Variants in CDC5L observed in about 807,000 individuals in gnomAD.
The protein encoded by CDC5L is cell division cycle 5-like protein.
CDC5L carries 18 observed loss-of-function variants against 104.1 expected under a neutral mutation model. The ratio of observed to expected loss-of-function variants is 0.17; its 90% CI spans 0.12 to 0.26. The LOEUF (loss-of-function observed/expected upper bound fraction) is 0.26, where lower values mean the gene tolerates loss of function less well. Ranked by LOEUF, CDC5L falls within the 10% of genes least tolerant of loss-of-function variation. The pLI is 1.00. For missense variants in CDC5L, 673 were observed against 956.9 expected (o/e 0.70, Z 3.91); for synonymous variants, 331 against 322.7 (o/e 1.03, Z -0.28).
chr6:44,393,625 G>A, intron 4 of CDC5L, 52 bp downstream of exon 4: 1 of 1,554,722 alleles, frequency 6.4e-7, no homozygotes, highest in South Asian at 1.2e-5. Flanking sequence ...AAACTCCTTG[G>A]GCCTCACTCT....
At chr6:44,391,844 T>G (rs1254749733) in intron 2 of CDC5L, among the ~76,000 whole-genome samples, 1 of 152,024 alleles carries the variant, frequency 6.6e-6, no homozygotes, top group Non-Finnish European at 1.5e-5. Flanking sequence ...CCGTCTCTTC[T>G]AAAAGTACAA....
intron 8 of CDC5L, 30 bp downstream of exon 8, chr6:44,408,662 T>C: frequency 1.3e-6 from 2 of 1,499,374 alleles, no homozygotes; most frequent in African/African-American, 2.8e-5. Flanking sequence ...AATGAGGCTT[T>C]TACTTTGTTT....
rs141621556 is a variant in CDC5L, at chr6:44,419,333, A to G, written c.1093-116A>G. On this transcript the variant is annotated intron_variant, in intron 8 of 15. Coordinates refer to ENST00000371477, the MANE Select transcript of CDC5L (RefSeq NM_001253.4). ...GTATTCATTTTCTCTGTTAGCTTTC[A>G]TTGAGAAAATGAGTAAGGATTCTGC... 678 of 894,148 alleles carry G rather than the reference A, an allele frequency of 7.6e-4. No homozygotes were observed. The African/African-American group carries it at 9.9e-3, about 13-fold the overall frequency. 55.4% of individuals were successfully genotyped at this position (894,148 alleles called of 1,614,324 possible).
chr6:44,414,390 G>T (rs1205835481), intron 8 of CDC5L, among the ~76,000 whole-genome samples: 2 of 113,184 alleles, frequency 1.8e-5, no homozygotes, highest in African/African-American at 7.1e-5. Flanking sequence ...GCCTGTGTGT[G>T]TGTGTGTGTG....
rs1274649001 is a variant in CDC5L at position 44,408,542 on chromosome 6, C to T, written c.1002C>T (p.Ser334=). The T allele has an allele frequency of 1.2e-6, 2 of 1,613,974 alleles. No homozygotes were observed. The highest frequency in any genetic ancestry group is 1.7e-6 in the Non-Finnish European group (2 of 1,179,862). ...AATCTGGCATAACAAATTCTGCTTC[C>T]AGTACACTTTTGTCTGAGTACAATG... The part of the protein sequence containing the change: ...AEESGITNSA[S]STLLSEYNVT... The change falls in exon 8 of 16, where the codon TCC becomes TCT. Residue 334 remains serine, a synonymous_variant. Transcript: ENST00000371477.
rs940519987 is a variant in CDC5L, at chr6:44,431,713, C to T, written c.2091+1803C>T. 5.9e-5 allele frequency among the ~76,000 whole-genome samples: 9 copies of T among 152,072 alleles called. No homozygotes were observed. The East Asian group carries it at 7.7e-4, about 13-fold the overall frequency. On this transcript the variant is annotated intron_variant, in intron 14 of 15. Transcript: ENST00000371477. ...ACACAGTGAGTGGTGCCATAAAGTA[C>T]AGTAATTTTTATTTCTGTGTTGAAT... is the stretch of plus-strand genomic sequence containing the variant.
At chr6:44,426,320 A>G (rs527378527) in intron 12 of CDC5L, 137 bp downstream of exon 12, 22 of 776,386 alleles carry the variant, frequency 2.8e-5, no homozygotes, top group African/African-American at 1.8e-4. Context: ...CTCAAATCCA[A>G]TCTTTAAAAT....
chr6:44,391,613 T>A (rs184562433), intron 2 of CDC5L, among the ~76,000 whole-genome samples: 1 of 152,198 alleles, frequency 6.6e-6, no homozygotes, highest in East Asian at 1.9e-4. Flanking sequence ...TTGGCATGAG[T>A]TATTTAGCAC....
intron 8 of CDC5L, among the ~76,000 whole-genome samples, chr6:44,413,192 G>T (rs1791733622): frequency 6.6e-6 from 1 of 152,118 alleles, no homozygotes; most frequent in Non-Finnish European, 1.5e-5. Flanking sequence ...TCTACTTTGT[G>T]TCTCTATAGA....
chr6:44,438,519 C>T (rs1278921091), intron 14 of CDC5L, among the ~76,000 whole-genome samples: 1 of 152,176 alleles, frequency 6.6e-6, no homozygotes, highest in Admixed American at 6.5e-5. Context: ...AAAAACTCCA[C>T]TGGCAATTCT....
At position 44,449,250 on chromosome 6, in the gene CDC5L, T is replaced by C. The variant is rs1158118399; in HGVS notation, c.*2539T>C. The C allele has an allele frequency of 5.9e-5, 9 of 152,244 alleles. No homozygotes were observed. The highest frequency in any genetic ancestry group is 1.3e-4 in the Non-Finnish European group (9 of 68,046). 9.4% of individuals were successfully genotyped at this position (152,244 alleles called of 1,614,324 possible). A position where few individuals can be genotyped will look rare whatever the true frequency, so the allele number is the denominator to read the frequency against. On this transcript the variant is annotated 3_prime_UTR_variant, in exon 16 of 16. Coordinates refer to ENST00000371477, the MANE Select transcript of CDC5L (RefSeq NM_001253.4). ...GTAAACTGCATATGCATTTGCCAGG[T>C]AGTGGTGCCACTTGAAATGGTGAAC... is the stretch of plus-strand genomic sequence containing the variant.
rs756487018 is a variant in CDC5L at position 44,445,836 on chromosome 6, A to G, written c.2273A>G (p.His758Arg). The change falls in exon 15 of 16, where the codon CAT becomes CGT. Residue 758 changes from histidine (H) to arginine (R), a missense_variant. Around this residue, in one of 4 missense-constraint regions of CDC5L, gnomAD observed 578 missense variants for 737.0 expected, o/e 0.78. Transcript: ENST00000371477. ...CGCACTTTTGAAGAACTCAAGAAACATGAAGATTCTGCTATTCCCCGGAGG... is the reference window on the plus strand; with the variant it reads ...CGCACTTTTGAAGAACTCAAGAAACGTGAAGATTCTGCTATTCCCCGGAGG... ...ELRTFEELKK[H>R]EDSAIPRRLE... 1.1e-5 allele frequency: 18 copies of G among 1,613,812 alleles called. No individual in the cohort carries two copies. Among genetic ancestry groups the G allele is most frequent in the Admixed American group, 1.7e-5 (1 of 59,996 alleles).
At chr6:44,430,114 T>A (rs917046033) in intron 14 of CDC5L, among the ~76,000 whole-genome samples, 2 of 151,864 alleles carry the variant, frequency 1.3e-5, no homozygotes, top group African/African-American at 4.8e-5. Flanking sequence ...GTTTTTTTTT[T>A]AAAGAATTGT....
chr6:44,433,007 A>G (rs1792757830), intron 14 of CDC5L, among the ~76,000 whole-genome samples: 1 of 152,220 alleles, frequency 6.6e-6, no homozygotes, highest in Non-Finnish European at 1.5e-5. Flanking sequence ...AGTGATTGCT[A>G]TTTATAGTGG....
At position 44,387,944 on chromosome 6, in the gene CDC5L, G is replaced by GC. The variant is rs930343699; in HGVS notation, c.45+76_45+77insC. The GC allele has an allele frequency of 3.2e-5, 46 of 1,417,882 alleles. No individual in the cohort carries two copies. In the African/African-American group the frequency reaches 5.3e-4, roughly 16 times the overall value. 87.8% of individuals were successfully genotyped at this position (1,417,882 alleles called of 1,614,324 possible). On this transcript the variant is annotated intron_variant, in intron 1 of 15. Coordinates refer to ENST00000371477, the MANE Select transcript of CDC5L (RefSeq NM_001253.4). ...TGTGCGCACGCGCGCGGAGGTCGGG[G>GC]GGGCGACGAGGAGACCCTGTGGGGT... is the stretch of plus-strand genomic sequence containing the variant.
At chr6:44,391,804 G>C (rs1435007023) in intron 2 of CDC5L, among the ~76,000 whole-genome samples, 1 of 151,962 alleles carries the variant, frequency 6.6e-6, no homozygotes, top group Non-Finnish European at 1.5e-5. Context: ...TCAGGAGTTT[G>C]AGACCAGCCT....
chr6:44,419,187 G>A (rs1792047758), intron 8 of CDC5L, among the ~76,000 whole-genome samples: 1 of 152,136 alleles, frequency 6.6e-6, no homozygotes, highest in African/African-American at 2.4e-5. Flanking sequence ...AAGGTGTAAG[G>A]AAGGGATCCA....
intron 4 of CDC5L, among the ~76,000 whole-genome samples, chr6:44,394,610 C>T (rs796306509): frequency 1.3e-5 from 2 of 151,964 alleles, no homozygotes; most frequent in Middle Eastern, 3.4e-3. Flanking sequence ...AATCCCAGCA[C>T]GTTGGGAGGC....
chr6:44,393,769 A>G (rs953536760), intron 4 of CDC5L, among the ~76,000 whole-genome samples, 196 bp downstream of exon 4: 2 of 152,026 alleles, frequency 1.3e-5, no homozygotes, highest in African/African-American at 4.8e-5. Flanking sequence ...GGCTTAAGCA[A>G]TCCTCCCATC....
Sources: gnomAD v4.1 joint callset for allele counts (sites outside exome capture counted in the v4.1 genomes callset) on GRCh38, gnomAD v4.1.1 for gene constraint, gnomAD v4.1.1 regional missense constraint, MANE v1.5 for transcripts, NCBI Gene and HGNC (gene_info 2026-07-23, HGNC 2026-07-21) for gene names.